The following MYO18B variants were observed in gnomAD, a reference collection of about 807,000 sequenced individuals.
MYO18B encodes myosin XVIIIB, also known as unconventional myosin-XVIIIb.
In MYO18B, 204 loss-of-function variants were observed where a neutral mutation model predicts 273.0. The observed-to-expected ratio is 0.75, with a 90% CI of 0.67 to 0.84. MYO18B has a LOEUF of 0.84. MYO18B is among the 40% of genes least tolerant of loss of function. The probability of loss-of-function intolerance (pLI) is 0.00; values close to 1 mark genes in which losing one functional copy is unlikely to be tolerated. For synonymous variants in MYO18B, 1,330 were observed against 1,305.7 expected (o/e 1.02, Z -0.40); for missense variants, 3,212 against 3,287.6 (o/e 0.98, Z 0.56).
chr22:26,023,657 G>A (rs1016994248), intron 42 of MYO18B, among the ~76,000 whole-genome samples: 1 of 152,106 alleles, frequency 6.6e-6, no homozygotes, highest in African/African-American at 2.4e-5. Flanking sequence ...AGCCCTCAAT[G>A]TTGCCCTCCT....
At chr22:25,870,521 G>A (rs2091017327) in intron 22 of MYO18B, among the ~76,000 whole-genome samples, 1 of 152,202 alleles carries the variant, frequency 6.6e-6, no homozygotes, top group Non-Finnish European at 1.5e-5. Context: ...TTATGGGCTC[G>A]CTGTTGTGTA....
chr22:25,765,568 T>A (rs2086474122), intron 3 of MYO18B, among the ~76,000 whole-genome samples: 1 of 152,186 alleles, frequency 6.6e-6, no homozygotes, highest in African/African-American at 2.4e-5. Context: ...CCCTGCCGCT[T>A]TTTGTGGTCC....
chr22:25,917,545 G>GGTGGGT (rs2092279400), intron 33 of MYO18B, among the ~76,000 whole-genome samples: 2 of 142,152 alleles, frequency 1.4e-5, no homozygotes, highest in Admixed American at 7.0e-5. Context: ...GCTTTGTAGG[G>GGTGGGT]GTGTGTGTGT....
At position 25,883,582 on chromosome 22, in the gene MYO18B, T is replaced by C. The variant is rs1380312879; in HGVS notation, c.4314+5534T>C. On this transcript the variant is annotated intron_variant, in intron 25 of 43. Coordinates refer to ENST00000335473, the MANE Select transcript of MYO18B (RefSeq NM_032608.7). This position sits in a 1 kb window ranked among gnomAD's most constrained non-coding sequence, Gnocchi z 7.6. ...TAGAAGATATCTTCTTCCATGTGCA[T>C]CTGCTTCCTTGGAAGGGAATTTCTG... The C allele has an allele frequency of 6.6e-6, 1 of 152,222 alleles. No individual in the cohort carries two copies. Among genetic ancestry groups the C allele is most frequent in the Non-Finnish European group, 1.5e-5 (1 of 68,050 alleles). The allele number at this position is 152,222 out of a possible 1,614,324, so 9.4% of individuals were successfully genotyped here. A position where few individuals can be genotyped will look rare whatever the true frequency, so the allele number is the denominator to read the frequency against.
chr22:25,780,161 T>C lies in MYO18B; in HGVS notation c.2174T>C (p.Phe725Ser), dbSNP rs551223528. The C allele has an allele frequency of 3.1e-6, 5 of 1,607,406 alleles. No individual in the cohort carries two copies. The East Asian group carries it at 1.1e-4, about 36-fold the overall frequency. Residue 725 changes from phenylalanine to serine, a missense_variant, in exon 9 of 44, where the codon TTC (phenylalanine) becomes TCC (serine). Coordinates refer to ENST00000335473, the MANE Select transcript of MYO18B (RefSeq NM_032608.7). ...TRFSMVMSLD[F>S]NATGRITAAQ... Reference sequence around the variant, plus strand: ...TTCTCCATGGTGATGTCGCTGGACTTCAACGCTACAGGCCGCATCACAGCT... The same window carrying C: ...TTCTCCATGGTGATGTCGCTGGACTCCAACGCTACAGGCCGCATCACAGCT...
At chr22:26,035,268 A>T (rs956970876), downstream of MYO18B, among the ~76,000 whole-genome samples, 1 of 152,146 alleles carries the variant, frequency 6.6e-6, no homozygotes, top group Non-Finnish European at 1.5e-5. Flanking sequence ...GGTGCCTTCT[A>T]CTCTCAAGCC....
At chr22:26,045,341 G>A in the MYO18B span, among the ~76,000 whole-genome samples, 3 of 152,146 alleles carry the variant, frequency 2.0e-5, no homozygotes, top group South Asian at 2.1e-4. Flanking sequence ...AAACAGACAC[G>A]TAGATGGAGT....
intron 25 of MYO18B, among the ~76,000 whole-genome samples, chr22:25,879,294 C>T (rs1358492464): frequency 6.7e-6 from 1 of 148,302 alleles, no homozygotes; most frequent in Non-Finnish European, 1.5e-5. Context: ...GAAATAGTTT[C>T]CTGATCCTTA....
intron 42 of MYO18B, among the ~76,000 whole-genome samples, chr22:26,021,491 G>A (rs1935814199): frequency 6.6e-6 from 1 of 152,178 alleles, no homozygotes; most frequent in East Asian, 1.9e-4. Context: ...GGGCCCTGGT[G>A]CTTCCCTCAC....
intron 21 of MYO18B, among the ~76,000 whole-genome samples, chr22:25,858,469 A>G (rs1176391437): frequency 6.6e-6 from 1 of 152,178 alleles, no homozygotes; most frequent in African/African-American, 2.4e-5. Context: ...TGAGTTGGGG[A>G]AGCACTTTGC....
intron 42 of MYO18B, among the ~76,000 whole-genome samples, chr22:26,009,229 G>T (rs1257266068): frequency 6.6e-6 from 1 of 152,094 alleles, no homozygotes; most frequent in Non-Finnish European, 1.5e-5. Context: ...ATTCCCTCTG[G>T]TCTCAGAAGA....
At chr22:26,026,039 C>G (rs1007081427) in intron 42 of MYO18B, among the ~76,000 whole-genome samples, 1 of 152,162 alleles carries the variant, frequency 6.6e-6, no homozygotes, top group Non-Finnish European at 1.5e-5. Context: ...TGGGACTGTC[C>G]TCTAGGCTTG....
In MYO18B at chr22:25,904,846, A is replaced by G. The variant is rs184891268; in HGVS notation, c.5148+1015A>G. Among the ~76,000 whole-genome samples the G allele has an allele frequency of 1.9e-3, 287 of 152,242 alleles. 3 individuals carry two copies. The highest frequency in any genetic ancestry group is 1.9e-3 in the Non-Finnish European group (128 of 68,024). ...GTGGGGGCAGTGAATTAATAGGCAG[A>G]TAAAGCATAACATATGGTCTTACAC... On this transcript the variant is annotated intron_variant, in intron 31 of 43. Transcript: ENST00000335473.
intron 12 of MYO18B, among the ~76,000 whole-genome samples, chr22:25,806,702 G>T (rs533200344): frequency 1.1e-4 from 16 of 152,242 alleles, no homozygotes; most frequent in Non-Finnish European, 2.4e-4. Context: ...GCAAAAAGTG[G>T]CCTGTGGAAC....
Position 25,952,396 on chromosome 22 carries a change from C to T in MYO18B, c.5943C>T (p.Phe1981=). ...VICDLENKTE[F]QKVQIKRFEV... The stretch of plus-strand genomic sequence containing the variant: ...GTGACCTAGAGAACAAGACAGAGTT[C>T]CAGAAGGTGCAGATTAAGAGATTTG... Residue 1981 remains phenylalanine, a synonymous_variant, in exon 38 of 44, where the codon TTC becomes TTT. Transcript: ENST00000335473. 1 of 1,613,028 alleles carries T rather than the reference C, an allele frequency of 6.2e-7. No homozygotes were observed. The highest frequency in any genetic ancestry group is 1.1e-5 in the South Asian group (1 of 90,654).
chr22:25,842,672 CAAAAAA>C lies in MYO18B; in HGVS notation c.3209-1046_3209-1041del, dbSNP rs695584. 2.0e-3 allele frequency among the ~76,000 whole-genome samples: 129 copies of C among 64,574 alleles called. 1 individual carries two copies. The highest frequency in any genetic ancestry group is 6.8e-3 in the Admixed American group (42 of 6,192). 42.4% of individuals were successfully genotyped at this position (64,574 alleles called of 152,430 possible). On this transcript the variant is annotated intron_variant, in intron 17 of 43. Coordinates refer to ENST00000335473, the MANE Select transcript of MYO18B (RefSeq NM_032608.7). ...GGGTGACAAGAGTGAAACTCCGTCT[CAAAAAA>C]AAAAAAAAAAAAAAAATTCATCTGG...
chr22:26,000,797 T>G (rs1933884522), intron 40 of MYO18B, among the ~76,000 whole-genome samples: 1 of 152,142 alleles, frequency 6.6e-6, no homozygotes, highest in Admixed American at 6.5e-5. Context: ...GATATCACAC[T>G]TGGTGTGGAC....
At chr22:25,903,351 C>T (rs2091975857) in intron 30 of MYO18B, 1 of 407,096 alleles carries the variant, frequency 2.5e-6, no homozygotes, top group Non-Finnish European at 4.5e-6. Context: ...CAAATGGGGT[C>T]AACCCTTCCT....
chr22:25,774,853 G>A (rs143056054), intron 7 of MYO18B, among the ~76,000 whole-genome samples: 2 of 152,358 alleles, frequency 1.3e-5, no homozygotes, highest in East Asian at 3.9e-4. Flanking sequence ...GAATAAGAGG[G>A]TGAGTTTGAG....
Sources: gnomAD v4.1 joint callset for allele counts (sites outside exome capture counted in the v4.1 genomes callset) on GRCh38, gnomAD v4.1.1 for gene constraint, Gnocchi (gnomAD v3.1) non-coding constraint, MANE v1.5 for transcripts, NCBI Gene and HGNC (gene_info 2026-07-23, HGNC 2026-07-21) for gene names.